Variants in KCNK2 observed in about 807,000 individuals in gnomAD.
KCNK2 encodes potassium channel subfamily K member 2.
Under a neutral mutation model 40.5 loss-of-function variants are expected in KCNK2, and 21 were observed. The observed-to-expected ratio is 0.52, with a 90% CI of 0.37 to 0.75. The LOEUF (loss-of-function observed/expected upper bound fraction) is 0.75, where lower values mean the gene tolerates loss of function less well. Among genes scored for constraint, KCNK2 ranks in the 30% least tolerant of loss-of-function variants. KCNK2 has a pLI of 0.00. For synonymous variants in KCNK2, 191 were observed against 202.2 expected (o/e 0.94, Z 0.47); for missense variants, 399 against 531.6 (o/e 0.75, Z 2.45).
chr1:215,075,169 G>A (rs1658884315), intron 1 of KCNK2, among the ~76,000 whole-genome samples: 1 of 152,126 alleles, frequency 6.6e-6, no homozygotes, highest in Non-Finnish European at 1.5e-5. Flanking sequence ...TTATTATAAA[G>A]CAAAGACCAT....
chr1:215,128,003 G>A (rs1262719032), intron 3 of KCNK2, among the ~76,000 whole-genome samples: 1 of 152,130 alleles, frequency 6.6e-6, no homozygotes, highest in Non-Finnish European at 1.5e-5. Flanking sequence ...ACTTTAAGTT[G>A]TACATAGATC....
intron 2 of KCNK2, among the ~76,000 whole-genome samples, chr1:215,090,983 A>G (rs1225559273): frequency 2.6e-5 from 4 of 151,910 alleles, no homozygotes; most frequent in African/African-American, 9.7e-5. Flanking sequence ...AAGATGATGG[A>G]AAAAAAACAC....
chr1:215,021,799 C>T (rs1656805193), intron 1 of KCNK2, among the ~76,000 whole-genome samples: 1 of 152,130 alleles, frequency 6.6e-6, no homozygotes, highest in African/African-American at 2.4e-5. Context: ...CCGCCCGCCT[C>T]GGCCTCCCAC....
intron 6 of KCNK2, among the ~76,000 whole-genome samples, chr1:215,216,871 C>T (rs1252169410): frequency 4.6e-5 from 7 of 152,098 alleles, no homozygotes; most frequent in Middle Eastern, 3.2e-3. Context: ...GGCTCTGAAG[C>T]GCACAGCACA....
chr1:215,118,909 T>C (rs1165398127), intron 2 of KCNK2, among the ~76,000 whole-genome samples: 1 of 152,164 alleles, frequency 6.6e-6, no homozygotes, highest in East Asian at 1.9e-4. Flanking sequence ...TGTGACAGCA[T>C]ATTTTAATGA....
At chr1:215,168,548 T>C (rs1663553164) in intron 3 of KCNK2, among the ~76,000 whole-genome samples, 1 of 152,204 alleles carries the variant, frequency 6.6e-6, no homozygotes. Flanking sequence ...ATCATGTCCT[T>C]TGCAGGGACA....
intron 1 of KCNK2, among the ~76,000 whole-genome samples, chr1:215,038,792 A>G (rs1469737863): frequency 6.6e-6 from 1 of 152,130 alleles, no homozygotes; most frequent in Admixed American, 6.6e-5. Context: ...GAAACCACTG[A>G]AAAACATTTT....
intron 5 of KCNK2, among the ~76,000 whole-genome samples, chr1:215,181,597 C>T (rs111477004): frequency 1.1e-3 from 174 of 152,142 alleles, no homozygotes; most frequent in African/African-American, 4.0e-3. Context: ...GCTTTTTACA[C>T]GGGGTGTGAC....
At chr1:215,034,642 G>C (rs1013728060) in intron 1 of KCNK2, among the ~76,000 whole-genome samples, 1 of 152,026 alleles carries the variant, frequency 6.6e-6, no homozygotes, top group Non-Finnish European at 1.5e-5. Flanking sequence ...AGCACCATTT[G>C]TTGAAAAGAC....
chr1:215,054,128 A>G (rs1658079930), intron 1 of KCNK2, among the ~76,000 whole-genome samples: 1 of 152,250 alleles, frequency 6.6e-6, no homozygotes. Flanking sequence ...CAGCTATATT[A>G]TTCGAGCTGT....
intron 6 of KCNK2, among the ~76,000 whole-genome samples, chr1:215,219,507 A>G (rs1467605085): frequency 1.3e-5 from 2 of 152,198 alleles, no homozygotes; most frequent in East Asian, 1.9e-4. Flanking sequence ...TTGATACCCA[A>G]CATAAGGCTA....
chr1:215,146,095 C>A (rs1662400597), intron 3 of KCNK2, among the ~76,000 whole-genome samples: 2 of 152,110 alleles, frequency 1.3e-5, no homozygotes, highest in African/African-American at 4.8e-5. Flanking sequence ...GAAATGAAAT[C>A]CAGAATAGTT....
intron 5 of KCNK2, among the ~76,000 whole-genome samples, chr1:215,192,709 A>G (rs920699044): frequency 6.6e-6 from 1 of 152,200 alleles, no homozygotes; most frequent in African/African-American, 2.4e-5. Context: ...GTGAAGTTTT[A>G]GAGCCGTATC....
intron 2 of KCNK2, among the ~76,000 whole-genome samples, chr1:215,106,758 T>C (rs527537120): frequency 6.6e-6 from 1 of 152,302 alleles, no homozygotes; most frequent in East Asian, 1.9e-4. Flanking sequence ...TGTTAATTTT[T>C]GCATATGGTG....
chr1:215,027,755 T>C (rs1003188524), intron 1 of KCNK2, among the ~76,000 whole-genome samples: 2 of 152,334 alleles, frequency 1.3e-5, no homozygotes, highest in East Asian at 3.9e-4. Context: ...GTAGTATAGA[T>C]AGGATGAATT....
At chr1:215,218,271 G>T (rs1277079080) in intron 6 of KCNK2, among the ~76,000 whole-genome samples, 2 of 152,196 alleles carry the variant, frequency 1.3e-5, no homozygotes, top group Non-Finnish European at 2.9e-5. Context: ...AAAGTGCTGG[G>T]AAGTCTGAAG....
intron 3 of KCNK2, among the ~76,000 whole-genome samples, chr1:215,127,240 G>C (rs1571643172): frequency 6.6e-6 from 1 of 151,970 alleles, no homozygotes; most frequent in African/African-American, 2.4e-5. Flanking sequence ...AGTTGTCCAA[G>C]GTTTTTGTGT....
rs376084267 is a variant in KCNK2, at chr1:215,083,295, C to T, written c.-91C>T. On this transcript the variant is annotated 5_prime_UTR_variant, in exon 1 of 7. Transcript: ENST00000444842. Reference sequence around the variant, plus strand: ...GTGCAGCTCGGAGCGCGCAGCCCGTCTCTGAATAAGAAGTGAGTACAATGG... The same window carrying T: ...GTGCAGCTCGGAGCGCGCAGCCCGTTTCTGAATAAGAAGTGAGTACAATGG... 2.5e-6 allele frequency: 4 copies of T among 1,609,934 alleles called. No homozygotes were observed. Among genetic ancestry groups the T allele is most frequent in the Non-Finnish European group, 3.4e-6 (4 of 1,177,866 alleles).
chr1:215,102,022 G>T (rs749939829), intron 2 of KCNK2, among the ~76,000 whole-genome samples: 5 of 151,662 alleles, frequency 3.3e-5, no homozygotes, highest in African/African-American at 4.8e-5. Flanking sequence ...ATAGTTGTGC[G>T]TATCTTGGGT....
Sources: gnomAD v4.1 joint callset for allele counts (sites outside exome capture counted in the v4.1 genomes callset) on GRCh38, gnomAD v4.1.1 for gene constraint, MANE v1.5 for transcripts, NCBI Gene and HGNC (gene_info 2026-07-23, HGNC 2026-07-21) for gene names.